SELENOM: variants seen among roughly 807,000 people sequenced by gnomAD.
SELENOM encodes selenoprotein SelM.
Under a neutral mutation model 14.5 loss-of-function variants are expected in SELENOM, and 17 were observed. That is an observed-to-expected ratio of 1.17 (90% confidence interval 0.80 to 1.76). The LOEUF (loss-of-function observed/expected upper bound fraction) is 1.76, where lower values mean the gene tolerates loss of function less well. Ranked by LOEUF, SELENOM falls within the 40% of genes most tolerant of loss-of-function variation. SELENOM has a pLI of 0.00. For missense variants in SELENOM, 230 were observed against 204.6 expected, an observed-to-expected ratio of 1.12 and a Z score of -0.76; for synonymous variants, 102 against 93.3, an observed-to-expected ratio of 1.09 and a Z score of -0.54.
intron 1 of SELENOM, 113 bp downstream of exon 1, chr22:31,107,264 A>G: frequency 5.3e-6 from 7 of 1,310,856 alleles, no homozygotes; most frequent in African/African-American, 1.5e-5. Flanking sequence ...CGCCAGGGGG[A>G]AAGCAGGGAG....
rs2044369629 is a variant in SELENOM, at chr22:31,104,855, T to G, written c.*115A>C. The G allele has an allele frequency of 8.2e-7, 1 of 1,215,162 alleles. No individual in the cohort carries two copies. The highest frequency in any genetic ancestry group is 2.6e-5 in the East Asian group (1 of 38,030). The allele number at this position is 1,215,162 out of a possible 1,614,324, so 75.3% of individuals were successfully genotyped here. On this transcript the variant is annotated 3_prime_UTR_variant, in exon 5 of 5. Transcript: ENST00000400299. ...AGAACCTCCCCAACCCCATCCCTGC[T>G]GGCCCGGGGACGGGCATCGGCTCTC...
At position 31,107,543 on chromosome 22, in the gene SELENOM, A is replaced by T; in HGVS notation, c.-38T>A. ...GCAGATGATGCGCAAGCTGGAGGCG[A>T]ACCTCCGAGTCGCTGCGCCACGTCT... On this transcript the variant is annotated 5_prime_UTR_variant, in exon 1 of 5. Coordinates refer to ENST00000400299, the MANE Select transcript of SELENOM (RefSeq NM_080430.4). 2.0e-6 allele frequency: 3 copies of T among 1,499,332 alleles called. No individual in the cohort carries two copies. The highest frequency in any genetic ancestry group is 2.7e-6 in the Non-Finnish European group (3 of 1,124,538). 92.9% of individuals were successfully genotyped at this position (1,499,332 alleles called of 1,614,324 possible).
chr22:31,106,006 G>A (rs773854891), intron 1 of SELENOM, 41 bp from the exon 2 acceptor site: 38 of 1,576,928 alleles, frequency 2.4e-5, no homozygotes, highest in Non-Finnish European at 5.2e-6. Context: ...AGTCCTTCAC[G>A]TTTATTCCAG....
At position 31,105,131 on chromosome 22, in the gene SELENOM, G is replaced by A; in HGVS notation, c.280-3C>T. 1 of 1,613,526 alleles carries A rather than the reference G, an allele frequency of 6.2e-7. No individual in the cohort carries two copies. The highest frequency in any genetic ancestry group is 8.5e-7 in the Non-Finnish European group (1 of 1,179,784). On this transcript the variant is annotated splice_region_variant and splice_polypyrimidine_tract_variant and intron_variant, in intron 4 of 4. Coordinates refer to ENST00000400299, the MANE Select transcript of SELENOM (RefSeq NM_080430.4). ...GTCATTTCACTGAGTGGGATGCGCT[G>A]AGGCGGAGGAGGGGCGGGGTCAGCA... is the stretch of plus-strand genomic sequence containing the variant.
Position 31,107,485 on chromosome 22 carries a change from C to A in SELENOM, c.21G>T (p.Pro7=), listed in dbSNP as rs1480456527. 6.4e-7 allele frequency: 1 copy of A among 1,556,154 alleles called. No individual in the cohort carries two copies. Among genetic ancestry groups the A allele is most frequent in the South Asian group, 1.2e-5 (1 of 84,972 alleles). ...CCGCGAGAAGCAGCAGCAGCGCCAG[C>A]GGAGGCAACAGGAGGCTCATCGGGA... MSLLLP[P]LALLLLLAAL... is the part of the protein sequence containing the mutation. Residue 7 remains proline (P), a synonymous_variant, in exon 1 of 5, where the codon CCG becomes CCT. Coordinates refer to ENST00000400299, the MANE Select transcript of SELENOM (RefSeq NM_080430.4).
chr22:31,105,564 T>C (rs1410217076), intron 3 of SELENOM, 94 bp downstream of exon 3: 5 of 1,270,448 alleles, frequency 3.9e-6, no homozygotes, highest in Non-Finnish European at 5.8e-6. Context: ...ATTCAACTTG[T>C]CAGTTGAAAA....
chr22:31,106,318 T>G, intron 1 of SELENOM: 1 of 326,794 alleles, frequency 3.1e-6, no homozygotes, highest in Non-Finnish European at 5.8e-6. Flanking sequence ...GGGCTTGGCC[T>G]TTGATCCCTG....
intron 2 of SELENOM, 80 bp from the exon 3 acceptor site, chr22:31,105,772 C>T: frequency 1.3e-6 from 2 of 1,553,956 alleles, no homozygotes; most frequent in South Asian, 1.1e-5. Context: ...CCAGTGAGGT[C>T]ATAAAGCAAG....
chr22:31,105,851 CCA>C (rs1318461938), intron 2 of SELENOM, 77 bp downstream of exon 2: 8 of 1,518,422 alleles, frequency 5.3e-6, no homozygotes, highest in Non-Finnish European at 7.3e-6. Context: ...CCTCCCCGCC[CCA>C]GTCATTGGGA....
chr22:31,104,868 G>A lies in SELENOM; in HGVS notation c.*102C>T. ...CCCCATCCCTGCTGGCCCGGGGACG[G>A]GCATCGGCTCTCAGCAAGAGAAGTA... On this transcript the variant is annotated 3_prime_UTR_variant, in exon 5 of 5. Transcript: ENST00000400299. The A allele has an allele frequency of 7.6e-7, 1 of 1,320,830 alleles. No individual in the cohort carries two copies. Among genetic ancestry groups the A allele is most frequent in the Non-Finnish European group, 1.0e-6 (1 of 988,204 alleles). 81.8% of individuals were successfully genotyped at this position (1,320,830 alleles called of 1,614,324 possible). A position where few individuals can be genotyped will look rare whatever the true frequency, so the allele number is the denominator to read the frequency against.
Position 31,105,970 on chromosome 22 carries a change from A to G in SELENOM, c.130-5T>C. 1 of 1,613,574 alleles carries G rather than the reference A, an allele frequency of 6.2e-7. No homozygotes were observed. The highest frequency in any genetic ancestry group is 8.5e-7 in the Non-Finnish European group (1 of 1,179,506). On this transcript the variant is annotated splice_polypyrimidine_tract_variant and splice_region_variant and intron_variant, in intron 1 of 4. Transcript: ENST00000400299. ...CAGCTGTCATCCCCCGCAGGTCTGG[A>G]GGGGGATAAAATGGGATAGGTCAGG...
chr22:31,106,121 G>T, intron 1 of SELENOM, 156 bp from the exon 2 acceptor site: 2 of 689,820 alleles, frequency 2.9e-6, no homozygotes, highest in Non-Finnish European at 2.6e-6. Context: ...GGACCCTTGT[G>T]GGCAGAAGGG....
rs1330766931 is a variant in SELENOM at position 31,104,982 on chromosome 22, G to A, written c.426C>T (p.His142=). The change falls in exon 5 of 5, where the codon CAC becomes CAT. Residue 142 remains histidine, a synonymous_variant. Coordinates refer to ENST00000400299, the MANE Select transcript of SELENOM (RefSeq NM_080430.4). ...CGCGCCCCCGGACCTACAGGTCAGC[G>A]TGGTCCGAAGTTTCCTCTGGGGGCT... is the stretch of plus-strand genomic sequence containing the variant. ...PAKPPEETSD[H]ADL is the part of the protein sequence containing the mutation. The A allele has an allele frequency of 6.3e-7, 1 of 1,592,290 alleles. No homozygotes were observed. The highest frequency in any genetic ancestry group is 1.9e-5 in the Admixed American group (1 of 53,704).
intron 3 of SELENOM, 22 bp from the exon 4 acceptor site, chr22:31,105,308 G>A (rs1296158541): frequency 6.3e-7 from 1 of 1,597,642 alleles, no homozygotes; most frequent in East Asian, 2.3e-5. Flanking sequence ...GTTAAGGAGC[G>A]GGGTGGTGGG....
chr22:31,104,962 C>T lies in SELENOM; in HGVS notation c.*8G>A, dbSNP rs779021028. 6.4e-7 allele frequency: 1 copy of T among 1,558,714 alleles called. No individual in the cohort carries two copies. Among genetic ancestry groups the T allele is most frequent in the Non-Finnish European group, 8.7e-7 (1 of 1,155,834 alleles). ...CAGGTAGGTCCCAGCTCCGCCGCGCCCCCGGACCTACAGGTCAGCGTGGTC... is the reference window on the plus strand; with the variant it reads ...CAGGTAGGTCCCAGCTCCGCCGCGCTCCCGGACCTACAGGTCAGCGTGGTC... On this transcript the variant is annotated 3_prime_UTR_variant, in exon 5 of 5. Coordinates refer to ENST00000400299, the MANE Select transcript of SELENOM (RefSeq NM_080430.4).
At chr22:31,107,288 G>C in intron 1 of SELENOM, 89 bp downstream of exon 1, 2 of 1,442,230 alleles carry the variant, frequency 1.4e-6, no homozygotes, top group South Asian at 2.7e-5. Flanking sequence ...CGCGGTTCGA[G>C]GTGGTCTTGG....
intron 3 of SELENOM, 89 bp from the exon 4 acceptor site, chr22:31,105,375 G>T (rs920448809): frequency 1.5e-6 from 2 of 1,322,522 alleles, no homozygotes; most frequent in Non-Finnish European, 1.1e-6. Context: ...TGCCTCCTTT[G>T]CTCAGAGCTT....
At chr22:31,106,665 A>G in intron 1 of SELENOM, 1 of 162,612 alleles carries the variant, frequency 6.1e-6, no homozygotes, top group South Asian at 1.8e-4. Flanking sequence ...GGGCTCAAGC[A>G]ATCCTCCTGC....
At chr22:31,105,424 G>T (rs62236156) in intron 3 of SELENOM, 138 bp from the exon 4 acceptor site, 3 of 918,018 alleles carry the variant, frequency 3.3e-6, no homozygotes, top group South Asian at 1.6e-5. Flanking sequence ...CCGCTTATAC[G>T]TGAGAAAATT....
Sources: allele counts gnomAD v4.1 joint callset, GRCh38; gene constraint gnomAD v4.1.1; transcripts MANE v1.5; gene names NCBI Gene and HGNC (gene_info 2026-07-23, HGNC 2026-07-21).